The following RARA variants were observed in gnomAD, a reference collection of about 807,000 sequenced individuals.
RARA encodes retinoic acid receptor alpha, also known as PML-DDX5-RARA fusion.
A neutral mutation model predicts 42.8 loss-of-function variants in RARA; 5 were observed. The observed-to-expected ratio is 0.12, with a 90% confidence interval of 0.06 to 0.25. RARA has a LOEUF of 0.25. Among genes scored for constraint, RARA ranks in the 10% least tolerant of loss-of-function variants. The pLI is 1.00. For missense variants in RARA, 402 were observed against 628.7 expected, an observed-to-expected ratio of 0.64 and a Z score of 3.86; for synonymous variants, 256 against 259.5, an observed-to-expected ratio of 0.99 and a Z score of 0.13.
intron 2 of RARA, among the ~76,000 whole-genome samples, chr17:40,336,318 C>T (rs2033848311): frequency 2.6e-5 from 4 of 152,282 alleles, no homozygotes; most frequent in South Asian, 4.1e-4. Context: ...TCAGGTGATC[C>T]GCCCACCTCG....
At position 40,355,984 on chromosome 17, in the gene RARA, A is replaced by G; in HGVS notation, c.1172-25A>G. On this transcript the variant is annotated intron_variant, in intron 8 of 8. Transcript: ENST00000254066. The surrounding 1 kb of genome is among the most constrained non-coding windows in gnomAD (Gnocchi z 4.1). ...GTGGGAGGGCTGGCCCAGCGTGCTGACCTCTGCCCCCTCCTTTCCTGCAGG... is the reference window on the plus strand; with the variant it reads ...GTGGGAGGGCTGGCCCAGCGTGCTGGCCTCTGCCCCCTCCTTTCCTGCAGG... 1 of 1,575,214 alleles carries G rather than the reference A, an allele frequency of 6.3e-7. No homozygotes were observed. Among genetic ancestry groups the G allele is most frequent in the Non-Finnish European group, 8.6e-7 (1 of 1,161,374 alleles).
intron 2 of RARA, among the ~76,000 whole-genome samples, chr17:40,340,399 A>G (rs1213794603): frequency 1.3e-5 from 2 of 152,142 alleles, no homozygotes; most frequent in Admixed American, 6.5e-5. Context: ...GAGGCCTATA[A>G]GCCCCCCTGG....
chr17:40,320,462 T>G lies in RARA; in HGVS notation c.-362-10395T>G, dbSNP rs2033344270. On this transcript the variant is annotated intron_variant, in intron 1 of 8. Transcript: ENST00000254066. This position sits in a 1 kb window ranked among gnomAD's most constrained non-coding sequence, Gnocchi z 4.1. ...TAAGTATGGGGGAGAGGACATTGTC[T>G]GAGTGGCCCCTCAGGTCTGTTTTGG... Among the ~76,000 whole-genome samples, 3 of 151,912 alleles carry G rather than the reference T, an allele frequency of 2.0e-5. No homozygotes were observed. The South Asian group carries it at 6.2e-4, about 31-fold the overall frequency.
At chr17:40,334,843 G>C (rs1370282652) in intron 2 of RARA, among the ~76,000 whole-genome samples, 2 of 152,200 alleles carry the variant, frequency 1.3e-5, no homozygotes, top group African/African-American at 4.8e-5. Flanking sequence ...GCGCCCTTCA[G>C]AGACCTAGTA....
rs996352460 is a variant in RARA at position 40,356,234 on chromosome 17, C to A, written c.*8C>A. ...GCCACCCACTCCCCGTGACCGCCCA[C>A]GCCACATGGACACAGCCCTCGCCCT... On this transcript the variant is annotated 3_prime_UTR_variant, in exon 9 of 9. Transcript: ENST00000254066. The A allele has an allele frequency of 1.8e-5, 28 of 1,549,298 alleles. No individual in the cohort carries two copies. Among genetic ancestry groups the A allele is most frequent in the Non-Finnish European group, 2.4e-5 (27 of 1,146,450 alleles).
intron 1 of RARA, among the ~76,000 whole-genome samples, chr17:40,315,837 C>T (rs2033202608): frequency 6.6e-6 from 1 of 152,192 alleles, no homozygotes; most frequent in Non-Finnish European, 1.5e-5. Flanking sequence ...GACTCCTCCC[C>T]CAGCCTATCT....
chr17:40,347,477 C>T (rs2034305095), intron 2 of RARA, among the ~76,000 whole-genome samples: 2 of 152,144 alleles, frequency 1.3e-5, no homozygotes. Context: ...GTGAGGGCTG[C>T]CCCTGCTGTC....
chr17:40,356,911 C>A lies in RARA; in HGVS notation c.*685C>A, dbSNP rs2034650781. 4.9e-6 allele frequency: 2 copies of A among 407,208 alleles called. No homozygotes were observed. The highest frequency in any genetic ancestry group is 9.1e-6 in the Non-Finnish European group (2 of 219,152). 25.2% of individuals were successfully genotyped at this position (407,208 alleles called of 1,614,324 possible). The stretch of plus-strand genomic sequence containing the variant: ...GGGCCCCCACTCTCCTTTCATGTCC[C>A]TGTGCCCCCCAGTTCTCCTCCTCAG... On this transcript the variant is annotated 3_prime_UTR_variant, in exon 9 of 9. Coordinates refer to ENST00000254066, the MANE Select transcript of RARA (RefSeq NM_000964.4).
chr17:40,331,021 G>A lies in RARA; in HGVS notation c.-198G>A. 1.8e-6 allele frequency: 1 copy of A among 564,000 alleles called. No homozygotes were observed. The allele number at this position is 564,000 out of a possible 1,614,324, so 34.9% of individuals were successfully genotyped here. ...CTTGAGACATCCCCCAACCCACCTGGCCCCCAGCTAGGGTGGGGGCTCCAG... is the reference window on the plus strand; with the variant it reads ...CTTGAGACATCCCCCAACCCACCTGACCCCCAGCTAGGGTGGGGGCTCCAG... On this transcript the variant is annotated 5_prime_UTR_variant, in exon 2 of 9. Transcript: ENST00000254066.
Position 40,342,151 on chromosome 17 carries a change from T to TG in RARA, c.179-6158dup, listed in dbSNP as rs1371498010. On this transcript the variant is annotated intron_variant, in intron 2 of 8. Transcript: ENST00000254066. ...GGGGAGGGGGCGCGCAGAGCTGGGG[T>TG]GGGGGGGCCGTGGCGCGTACCACCA... 185 of 348,126 alleles carry TG rather than the reference T, an allele frequency of 5.3e-4. No individual in the cohort carries two copies. In the African/African-American group the frequency reaches 5.4e-3, roughly 10 times the overall value. The allele number at this position is 348,126 out of a possible 1,614,324, so 21.6% of individuals were successfully genotyped here.
intron 3 of RARA, 93 bp downstream of exon 3, chr17:40,348,557 C>T: frequency 7.0e-7 from 1 of 1,429,382 alleles, no homozygotes; most frequent in East Asian, 2.7e-5. Context: ...TGGGGGGTGT[C>T]CCTGAAGTTG....
intron 2 of RARA, among the ~76,000 whole-genome samples, chr17:40,346,943 G>T (rs1216193654): frequency 2.0e-5 from 3 of 152,240 alleles, no homozygotes; most frequent in African/African-American, 7.2e-5. Flanking sequence ...CCCTGCCAAG[G>T]TTGTTGGCCT....
chr17:40,315,826 A>T (rs1267733932), intron 1 of RARA, among the ~76,000 whole-genome samples: 1 of 152,180 alleles, frequency 6.6e-6, no homozygotes, highest in African/African-American at 2.4e-5. Flanking sequence ...GATGGGGCTC[A>T]GACTCCTCCC....
At chr17:40,331,754 G>A (rs763624665) in intron 2 of RARA, among the ~76,000 whole-genome samples, 2 of 152,152 alleles carry the variant, frequency 1.3e-5, no homozygotes, top group East Asian at 1.9e-4. Flanking sequence ...CTTGACATTT[G>A]ATGGAAATGG....
chr17:40,340,008 C>T (rs2033981359), intron 2 of RARA, among the ~76,000 whole-genome samples: 1 of 152,226 alleles, frequency 6.6e-6, no homozygotes, highest in African/African-American at 2.4e-5. Context: ...GCCCCACATC[C>T]ACCTGTCCAG....
chr17:40,324,117 G>T lies in RARA; in HGVS notation c.-362-6740G>T, dbSNP rs376452452. On this transcript the variant is annotated intron_variant, in intron 1 of 8. Transcript: ENST00000254066. ...TAGTGGTGAGGGGGCAGCTGCCAAGGTGTGAGGGTGGGGAAAGCCCCGTGC... is the reference window on the plus strand; with the variant it reads ...TAGTGGTGAGGGGGCAGCTGCCAAGTTGTGAGGGTGGGGAAAGCCCCGTGC... Among the ~76,000 whole-genome samples, 8 of 152,228 alleles carry T rather than the reference G, an allele frequency of 5.3e-5. No homozygotes were observed. In the East Asian group the frequency reaches 1.4e-3, roughly 26 times the overall value.
At chr17:40,337,763 C>T (rs573379472) in intron 2 of RARA, among the ~76,000 whole-genome samples, 49 of 152,334 alleles carry the variant, frequency 3.2e-4, no homozygotes, top group African/African-American at 1.2e-3. Context: ...TGGGTGAGCC[C>T]CAGCAGAAGG....
chr17:40,327,931 G>A (rs577284906), intron 1 of RARA, among the ~76,000 whole-genome samples: 2 of 152,294 alleles, frequency 1.3e-5, no homozygotes, highest in East Asian at 3.9e-4. Context: ...TCTGACATCA[G>A]CCCTCTCAGC....
intron 2 of RARA, among the ~76,000 whole-genome samples, chr17:40,333,400 T>C (rs1360800911): frequency 2.0e-5 from 3 of 152,132 alleles, no homozygotes; most frequent in African/African-American, 7.2e-5. Context: ...TGGAGTGCAG[T>C]GGCACCATCT....
Sources: gnomAD v4.1 joint callset for allele counts (sites outside exome capture counted in the v4.1 genomes callset) on GRCh38, gnomAD v4.1.1 for gene constraint, Gnocchi (gnomAD v3.1) non-coding constraint, MANE v1.5 for transcripts, NCBI Gene and HGNC (gene_info 2026-07-23, HGNC 2026-07-21) for gene names.